NPIPB2: variants seen among roughly 807,000 people sequenced by gnomAD.
NPIPB2 encodes the protein nuclear pore complex-interacting protein family member B2.
In NPIPB2, 27 loss-of-function variants were observed where a neutral mutation model predicts 30.8. The observed-to-expected ratio is 0.88, with a 90% CI of 0.65 to 1.21. The LOEUF (loss-of-function observed/expected upper bound fraction) is 1.21, where lower values mean the gene tolerates loss of function less well. NPIPB2 is among the 50% of genes most tolerant of loss of function. NPIPB2 has a pLI of 0.00. For synonymous variants in NPIPB2, 147 were observed against 162.0 expected, an observed-to-expected ratio of 0.91 and a Z score of 0.70; for missense variants, 440 against 446.2, an observed-to-expected ratio of 0.99 and a Z score of 0.13.
intron 1 of NPIPB2, among the ~76,000 whole-genome samples, chr16:11,947,312 A>C: frequency 1.3e-5 from 1 of 74,462 alleles, no homozygotes; most frequent in South Asian, 6.2e-4. Context: ...TTATTTATTT[A>C]TTTATTTATT....
chr16:11,945,924 A>G (rs375015412), upstream of NPIPB2, among the ~76,000 whole-genome samples: 307 of 151,874 alleles, frequency 2.0e-3, no homozygotes, highest in African/African-American at 6.9e-3. Flanking sequence ...AAACATGCAT[A>G]GTTGGATTTA....
intron 1 of NPIPB2, among the ~76,000 whole-genome samples, chr16:11,972,506 C>T (rs974378287): frequency 1.3e-5 from 2 of 151,686 alleles, no homozygotes; most frequent in African/African-American, 2.4e-5. Flanking sequence ...ACCTGGGAGG[C>T]GGAGGTTGCA....
intron 1 of NPIPB2, among the ~76,000 whole-genome samples, chr16:11,953,677 T>C (rs1259015409): frequency 2.6e-5 from 4 of 151,418 alleles, no homozygotes; most frequent in Non-Finnish European, 5.9e-5. Context: ...TCTTAGTTTA[T>C]TTTTTGCTTT....
chr16:11,975,291 G>C (rs980910379), intron 1 of NPIPB2, among the ~76,000 whole-genome samples: 1 of 139,976 alleles, frequency 7.1e-6, no homozygotes, highest in Admixed American at 7.0e-5. Flanking sequence ...GGGACTACAG[G>C]CGCCCGCCAC....
chr16:11,954,907 C>CA (rs35579156), intron 1 of NPIPB2, among the ~76,000 whole-genome samples: 123,970 of 145,194 alleles, frequency 0.85, 53,549 homozygotes, highest in Non-Finnish European at 0.94. Flanking sequence ...GACTCTGTCT[C>CA]AAAAAAAAAA....
intron 2 of NPIPB2, among the ~76,000 whole-genome samples, chr16:11,937,297 G>T (rs1320964227): frequency 1.3e-5 from 2 of 152,236 alleles, no homozygotes; most frequent in South Asian, 2.1e-4. Flanking sequence ...TAGCACAAAG[G>T]TTAAAAAAAC....
intron 1 of NPIPB2, among the ~76,000 whole-genome samples, chr16:11,959,582 C>T (rs1405362642): frequency 4.0e-5 from 6 of 150,588 alleles, no homozygotes; most frequent in Middle Eastern, 3.4e-3. Flanking sequence ...AGGGAGACCC[C>T]GTCTCAAAAA....
upstream of NPIPB2, among the ~76,000 whole-genome samples, chr16:11,942,860 C>G (rs1419038568): frequency 6.6e-6 from 1 of 152,112 alleles, no homozygotes; most frequent in Non-Finnish European, 1.5e-5. Context: ...AGAGTGTGCC[C>G]AAACTCACTC....
chr16:11,968,363 G>C (rs2055212744), intron 1 of NPIPB2: 1 of 154,480 alleles, frequency 6.5e-6, no homozygotes, highest in African/African-American at 2.4e-5. Flanking sequence ...TGTAATCCCA[G>C]CTACTCAGGA....
chr16:11,933,930 A>G lies in NPIPB2; in HGVS notation c.193-6T>C. 1 of 1,530,382 alleles carries G rather than the reference A, an allele frequency of 6.5e-7. No individual in the cohort carries two copies. The highest frequency in any genetic ancestry group is 8.9e-7 in the Non-Finnish European group (1 of 1,118,754). The allele number at this position is 1,530,382 out of a possible 1,614,324, so 94.8% of individuals were successfully genotyped here. A position where few individuals can be genotyped will look rare whatever the true frequency, so the allele number is the denominator to read the frequency against. On this transcript the variant is annotated splice_region_variant and splice_polypyrimidine_tract_variant and intron_variant, in intron 2 of 7. Transcript: ENST00000399147. ...ATAGTCTTCAGGAAAGACAACTAGG[A>G]AATAATAATATAAGAATGACGGCTG... is the stretch of plus-strand genomic sequence containing the variant.
In NPIPB2 at chr16:11,976,585, C is replaced by T. The variant is rs1434513678; in HGVS notation, c.-601G>A. On this transcript the variant is annotated 5_prime_UTR_variant, in exon 1 of 6. Transcript: ENST00000538896. ...GGGTTTACCCTGAGTCTCCAGCCCG[C>T]GTAGCCTCAGCACCGCTCTCCACAC... 4 of 361,846 alleles carry T rather than the reference C, an allele frequency of 1.1e-5. No individual in the cohort carries two copies. The Admixed American group carries it at 1.9e-4, about 17-fold the overall frequency. The allele number at this position is 361,846 out of a possible 1,614,324, so 22.4% of individuals were successfully genotyped here.
At chr16:11,969,353 G>C (rs916208378) in intron 1 of NPIPB2, among the ~76,000 whole-genome samples, 1 of 151,742 alleles carries the variant, frequency 6.6e-6, no homozygotes, top group Non-Finnish European at 1.5e-5. Flanking sequence ...TGCCTCCCGG[G>C]TTCAAGCAAT....
chr16:11,964,140 G>GC (rs2055175159), intron 1 of NPIPB2: 1 of 152,076 alleles, frequency 6.6e-6, no homozygotes, highest in African/African-American at 2.4e-5. Flanking sequence ...AAAAGACATC[G>GC]CATCGGCAGG....
intron 1 of NPIPB2, among the ~76,000 whole-genome samples, chr16:11,971,477 G>A (rs2055235421): frequency 6.6e-6 from 1 of 151,744 alleles, no homozygotes; most frequent in African/African-American, 2.4e-5. Flanking sequence ...CCAAGTCATA[G>A]GTAGATTCAG....
At chr16:11,968,870 CTTTTTT>C (rs35891367) in intron 1 of NPIPB2, 7,818 of 143,606 alleles carry the variant, frequency 0.054, 324 homozygotes, top group Admixed American at 0.14. Context: ...TTTTTCTTTT[CTTTTTT>C]TTTTTTTTGA....
chr16:11,958,975 T>G (rs2055135128), intron 1 of NPIPB2, among the ~76,000 whole-genome samples: 1 of 152,108 alleles, frequency 6.6e-6, no homozygotes, highest in African/African-American at 2.4e-5. Context: ...TTTGCCAAAG[T>G]GGGGCTCTGC....
chr16:11,933,641 C>T (rs1417610546), exon 4 of NPIPB2: 5 of 1,596,722 alleles, frequency 3.1e-6, no homozygotes, highest in Non-Finnish European at 4.2e-6. Flanking sequence ...GTAATGACGT[C>T]TTTCAGGCCA....
exon 4 of NPIPB2, chr16:11,933,547 A>G: frequency 1.3e-6 from 2 of 1,596,952 alleles, no homozygotes; most frequent in Non-Finnish European, 1.7e-6. Flanking sequence ...CTTTCCATTG[A>G]TTTTGTCATG....
intron 2 of NPIPB2, among the ~76,000 whole-genome samples, chr16:11,934,452 C>A (rs1164411682): frequency 6.7e-6 from 1 of 149,850 alleles, no homozygotes; most frequent in Non-Finnish European, 1.5e-5. Flanking sequence ...AGTCAGGAGG[C>A]TGAGGCAGGA....
Sources: allele counts gnomAD v4.1 joint callset (sites outside exome capture counted in the v4.1 genomes callset), GRCh38; gene constraint gnomAD v4.1.1; transcripts MANE v1.5; gene names NCBI Gene and HGNC (gene_info 2026-07-23, HGNC 2026-07-21).